The following GDPD4 variants were observed in gnomAD, a reference collection of about 807,000 sequenced individuals.
GDPD4 encodes glycerophosphodiester phosphodiesterase 6.
Under a neutral mutation model 67.8 loss-of-function variants are expected in GDPD4, and 60 were observed. The observed-to-expected ratio is 0.88, with a 90% CI of 0.72 to 1.10. GDPD4 has a LOEUF of 1.10. Among genes scored for constraint, GDPD4 ranks in the 50% least tolerant of loss-of-function variants. The pLI, the probability that GDPD4 is intolerant of heterozygous loss-of-function variation, is 0.00. For synonymous variants in GDPD4, 212 were observed against 210.9 expected, an observed-to-expected ratio of 1.00 and a Z score of -0.04; for missense variants, 623 against 613.9, an observed-to-expected ratio of 1.01 and a Z score of -0.16.
In GDPD4 at chr11:77,271,403, C is replaced by A. The variant is rs762661421; in HGVS notation, c.208-10G>T. ...CTAGCAGAATCAGGATCTAGGGAAA[C>A]AGAAAAAAAATCTCCTGACTTCAAG... On this transcript the variant is annotated splice_polypyrimidine_tract_variant and intron_variant, in intron 5 of 16. Coordinates refer to ENST00000315938, the MANE Select transcript of GDPD4 (RefSeq NM_182833.3). 1 of 1,570,264 alleles carries A rather than the reference C, an allele frequency of 6.4e-7. No homozygotes were observed. The highest frequency in any genetic ancestry group is 8.8e-7 in the Non-Finnish European group (1 of 1,142,190).
At chr11:77,268,611 T>A in intron 9 of GDPD4, 72 bp from the exon 10 acceptor site, 1 of 1,169,654 alleles carries the variant, frequency 8.5e-7, no homozygotes. Flanking sequence ...GTGGTAGGGG[T>A]AGAGCCCAGT....
intron 10 of GDPD4, among the ~76,000 whole-genome samples, chr11:77,261,574 C>T (rs748399332): frequency 6.6e-6 from 1 of 152,200 alleles, no homozygotes; most frequent in African/African-American, 2.4e-5. Flanking sequence ...GACTGCCCTC[C>T]AGACTAAGGA....
chr11:77,278,209 G>A (rs1959583052), intron 4 of GDPD4, among the ~76,000 whole-genome samples: 1 of 152,058 alleles, frequency 6.6e-6, no homozygotes, highest in Non-Finnish European at 1.5e-5. Context: ...ACCCGCCTCG[G>A]CCTCCCAAAG....
intron 13 of GDPD4, among the ~76,000 whole-genome samples, chr11:77,240,066 C>T (rs1314147263): frequency 1.3e-5 from 2 of 151,798 alleles, no homozygotes; most frequent in African/African-American, 4.8e-5. Flanking sequence ...GTCAAAATTA[C>T]CCAAAGCAAT....
intron 16 of GDPD4, among the ~76,000 whole-genome samples, chr11:77,221,909 G>A (rs367729077): frequency 5.3e-5 from 8 of 151,946 alleles, no homozygotes; most frequent in Admixed American, 5.2e-4. Context: ...TATGAATCTG[G>A]GTGCTCCTGT....
chr11:77,269,098 G>T (rs528810877), intron 8 of GDPD4, 29 bp from the exon 9 acceptor site: 38 of 1,605,662 alleles, frequency 2.4e-5, no homozygotes, highest in Non-Finnish European at 3.1e-5. Context: ...AGGGGAAGTG[G>T]GGGAAAAAGA....
intron 13 of GDPD4, among the ~76,000 whole-genome samples, chr11:77,241,043 T>C (rs1180981531): frequency 6.6e-6 from 1 of 152,166 alleles, no homozygotes; most frequent in Non-Finnish European, 1.5e-5. Context: ...AAAATAGAAC[T>C]AACATACATA....
intron 1 of GDPD4, among the ~76,000 whole-genome samples, chr11:77,289,963 G>C (rs1937713500): frequency 6.6e-6 from 1 of 152,092 alleles, no homozygotes; most frequent in African/African-American, 2.4e-5. Flanking sequence ...GAAGAGGTGG[G>C]GAAAAGCATC....
intron 13 of GDPD4, among the ~76,000 whole-genome samples, chr11:77,242,276 AATAT>A (rs1487447374): frequency 6.6e-6 from 1 of 152,222 alleles, no homozygotes; most frequent in African/African-American, 2.4e-5. Flanking sequence ...GTACCCTATA[AATAT>A]ATACAGTTAT....
At chr11:77,223,032 T>G (rs998544220) in intron 16 of GDPD4, among the ~76,000 whole-genome samples, 1 of 152,250 alleles carries the variant, frequency 6.6e-6, no homozygotes, top group African/African-American at 2.4e-5. Context: ...AGCTTGTGCA[T>G]GTGTCACGTA....
intron 3 of GDPD4, among the ~76,000 whole-genome samples, chr11:77,281,997 A>G (rs1959775483): frequency 6.6e-6 from 1 of 152,186 alleles, no homozygotes; most frequent in Non-Finnish European, 1.5e-5. Context: ...GTAAATATGT[A>G]GGTAAATCTA....
chr11:77,285,453 T>C (rs1901821), intron 2 of GDPD4, among the ~76,000 whole-genome samples: 13 of 152,034 alleles, frequency 8.6e-5, no homozygotes, highest in Non-Finnish European at 1.5e-4. Context: ...GTCTCTGTAT[T>C]ACCAATACAT....
At chr11:77,222,242 C>T (rs951387830) in intron 16 of GDPD4, among the ~76,000 whole-genome samples, 5 of 152,126 alleles carry the variant, frequency 3.3e-5, no homozygotes, top group Admixed American at 6.6e-5. Flanking sequence ...ATATTCTTAT[C>T]TGTGAATTTA....
chr11:77,272,085 C>A (rs1959245268), intron 5 of GDPD4, among the ~76,000 whole-genome samples: 2 of 152,330 alleles, frequency 1.3e-5, no homozygotes, highest in South Asian at 4.1e-4. Context: ...GTACTTAGCT[C>A]TCCTTTCCAT....
chr11:77,289,824 G>GGGAGGGAGGGGAAGGAAA (rs1241306973), intron 1 of GDPD4, among the ~76,000 whole-genome samples: 2 of 133,730 alleles, frequency 1.5e-5, no homozygotes, highest in African/African-American at 5.6e-5. Flanking sequence ...AAGGAAGGGA[G>GGGAGGGAGGGGAAGGAAA]GGAGGGAGGG....
intron 13 of GDPD4, among the ~76,000 whole-genome samples, chr11:77,243,151 T>C (rs1414751821): frequency 6.6e-6 from 1 of 152,206 alleles, no homozygotes; most frequent in Non-Finnish European, 1.5e-5. Flanking sequence ...CAGGTGCTTT[T>C]AATTCTGAAA....
intron 10 of GDPD4, among the ~76,000 whole-genome samples, chr11:77,259,647 T>C (rs955512365): frequency 7.3e-5 from 11 of 149,712 alleles, no homozygotes; most frequent in African/African-American, 2.5e-4. Flanking sequence ...CAGTACAGGG[T>C]GGGGGAACCT....
intron 1 of GDPD4, among the ~76,000 whole-genome samples, chr11:77,293,043 G>A (rs1362268497): frequency 6.6e-6 from 1 of 152,096 alleles, no homozygotes; most frequent in East Asian, 1.9e-4. Context: ...GGGTTCACTG[G>A]TGAATTCTAC....
Position 77,283,916 on chromosome 11 carries a change from C to T in GDPD4, c.53+1169G>A, listed in dbSNP as rs189757986. The stretch of plus-strand genomic sequence containing the variant: ...TGTCACCCAGGCTGGAATGCAGTGG[C>T]ACGATCTCGGCTCACTGCAACCTCT... On this transcript the variant is annotated intron_variant, in intron 3 of 16. Coordinates refer to ENST00000315938, the MANE Select transcript of GDPD4 (RefSeq NM_182833.3). Among the ~76,000 whole-genome samples, 41 of 144,084 alleles carry T rather than the reference C, an allele frequency of 2.8e-4. No individual in the cohort carries two copies. The East Asian group carries it at 5.3e-3, about 18-fold the overall frequency. 94.5% of individuals were successfully genotyped at this position (144,084 alleles called of 152,430 possible).
Sources: gnomAD v4.1 joint callset for allele counts (sites outside exome capture counted in the v4.1 genomes callset) on GRCh38, gnomAD v4.1.1 for gene constraint, MANE v1.5 for transcripts, NCBI Gene and HGNC (gene_info 2026-07-23, HGNC 2026-07-21) for gene names.